The following CASD1 variants were observed in gnomAD, a reference collection of about 807,000 sequenced individuals.
The protein encoded by CASD1 is N-acetylneuraminate (7)9-O-acetyltransferase.
In CASD1, 41 loss-of-function variants were observed where a neutral mutation model predicts 100.0. The observed-to-expected ratio is 0.41, with a 90% CI of 0.32 to 0.53. CASD1 has a LOEUF of 0.53. CASD1 is among the 20% of genes least tolerant of loss of function. The probability of loss-of-function intolerance (pLI) is 0.25; values close to 1 mark genes in which losing one functional copy is unlikely to be tolerated. For missense variants in CASD1, 774 were observed against 948.7 expected, an observed-to-expected ratio of 0.82 and a Z score of 2.42; for synonymous variants, 321 against 315.6, an observed-to-expected ratio of 1.02 and a Z score of -0.18.
At chr7:94,552,113 A>T in intron 15 of CASD1, 1 of 438,740 alleles carries the variant, frequency 2.3e-6, no homozygotes, top group Non-Finnish European at 4.0e-6. Context: ...CCTTTTGATC[A>T]CTGTTTCCAG....
chr7:94,516,631 A>T (rs1405014154), intron 1 of CASD1, among the ~76,000 whole-genome samples: 1 of 150,370 alleles, frequency 6.7e-6, no homozygotes, highest in Non-Finnish European at 1.5e-5. Context: ...CCCCCCACAC[A>T]CCCCCAACCC....
At chr7:94,511,126 G>A (rs1793687245) in intron 1 of CASD1, among the ~76,000 whole-genome samples, 1 of 152,160 alleles carries the variant, frequency 6.6e-6, no homozygotes. Flanking sequence ...CACTGGGAGA[G>A]AGGCTGACAG....
At chr7:94,538,825 T>A (rs1379953440) in intron 9 of CASD1, 142 bp from the exon 10 acceptor site, 9 of 441,830 alleles carry the variant, frequency 2.0e-5, no homozygotes, top group South Asian at 5.9e-5. Flanking sequence ...TGACAGTTTT[T>A]AACTGTTTCT....
At chr7:94,527,788 G>A (rs1794650542) in intron 4 of CASD1, among the ~76,000 whole-genome samples, 1 of 152,138 alleles carries the variant, frequency 6.6e-6, no homozygotes, top group African/African-American at 2.4e-5. Flanking sequence ...AGAGCCGACT[G>A]AGGACCAAAA....
intron 5 of CASD1, among the ~76,000 whole-genome samples, chr7:94,528,813 C>T (rs1030570619): frequency 6.6e-6 from 1 of 152,128 alleles, no homozygotes. Flanking sequence ...GTAGTAGTTT[C>T]CATACAGTCT....
At chr7:94,552,204 C>T (rs1332457161) in intron 15 of CASD1, 146 bp from the exon 16 acceptor site, 1 of 619,600 alleles carries the variant, frequency 1.6e-6, no homozygotes, top group Non-Finnish European at 2.8e-6. Flanking sequence ...GATGAGCAAA[C>T]TTGCAAGCAG....
At chr7:94,624,174 A>C in the CASD1 span, 18 of 397,974 alleles carry the variant, frequency 4.5e-5, no homozygotes, top group African/African-American at 2.7e-4. Flanking sequence ...AAAAAAAAAA[A>C]AAAAACAAAT....
At chr7:94,591,211 A>T in the CASD1 span, among the ~76,000 whole-genome samples, 1 of 152,228 alleles carries the variant, frequency 6.6e-6, no homozygotes, top group African/African-American at 2.4e-5. Flanking sequence ...AAGAGGGAAT[A>T]AGTTCTACAT....
rs745758637 is a variant in CASD1 at position 94,545,698 on chromosome 7, A to G, written c.1630A>G (p.Asn544Asp). Residue 544 changes from asparagine (N) to aspartate (D), a missense_variant, in exon 12 of 18, where the codon AAC becomes GAC. Around this residue, in one of 5 missense-constraint regions of CASD1, gnomAD observed 453 missense variants for 532.6 expected, o/e 0.85. Transcript: ENST00000297273. ...GCCACAAATAATCCAAAAAAAAGCA[A>G]ACGGTAAATATACTTTCTTACTAAT... ...LWPQIIQKKANGNCFWHFGLL... is the reference protein window; with the variant it reads ...LWPQIIQKKADGNCFWHFGLL... 6 of 1,578,754 alleles carry G rather than the reference A, an allele frequency of 3.8e-6. No homozygotes were observed. Among genetic ancestry groups the G allele is most frequent in the Non-Finnish European group, 5.2e-6 (6 of 1,159,116 alleles).
intron 2 of CASD1, 90 bp downstream of exon 2, chr7:94,517,746 T>C: frequency 2.7e-6 from 2 of 744,688 alleles, no homozygotes; most frequent in East Asian, 2.6e-5. Flanking sequence ...TTTTCATCTC[T>C]ATGTTGGGGT....
chr7:94,514,775 TTGTG>T (rs374520322), intron 1 of CASD1, among the ~76,000 whole-genome samples: 1 of 151,656 alleles, frequency 6.6e-6, no homozygotes, highest in African/African-American at 2.4e-5. Flanking sequence ...CTTAGTTTCT[TTGTG>T]TGTGTGTGTG....
At chr7:94,574,346 T>A in the CASD1 span, among the ~76,000 whole-genome samples, 1 of 152,182 alleles carries the variant, frequency 6.6e-6, no homozygotes, top group Non-Finnish European at 1.5e-5. Flanking sequence ...TGGCTGTGAA[T>A]CCATCAGGTC....
At chr7:94,615,365 A>AATAG in the CASD1 span, among the ~76,000 whole-genome samples, 265 of 142,308 alleles carry the variant, frequency 1.9e-3, no homozygotes, top group Middle Eastern at 3.5e-3. Flanking sequence ...TCTCAAAATA[A>AATAG]ATAGATAGAT....
intron 1 of CASD1, among the ~76,000 whole-genome samples, chr7:94,516,950 C>A (rs187949964): frequency 1.3e-5 from 2 of 151,344 alleles, no homozygotes; most frequent in East Asian, 3.9e-4. Flanking sequence ...GTCACCCAGG[C>A]TGGAGTGCAG....
intron 11 of CASD1, among the ~76,000 whole-genome samples, 188 bp downstream of exon 11, chr7:94,544,718 G>A (rs1342907534): frequency 6.6e-6 from 1 of 152,048 alleles, no homozygotes; most frequent in Non-Finnish European, 1.5e-5. Flanking sequence ...GTGAAAGAAG[G>A]AAAATATAAT....
chr7:94,578,662 C>G, the CASD1 span, among the ~76,000 whole-genome samples: 609 of 152,258 alleles, frequency 4.0e-3, 1 homozygote, highest in African/African-American at 0.013. Flanking sequence ...TTAGCCAGAC[C>G]TGAGATCTGG....
chr7:94,515,731 C>T (rs1166260691), intron 1 of CASD1, among the ~76,000 whole-genome samples: 4 of 151,806 alleles, frequency 2.6e-5, no homozygotes, highest in Non-Finnish European at 5.9e-5. Context: ...CCCCCTCCCC[C>T]TAGAAAAGGG....
intron 12 of CASD1, 151 bp downstream of exon 12, chr7:94,545,852 G>A (rs1795651710): frequency 3.9e-6 from 2 of 510,308 alleles, no homozygotes; most frequent in Non-Finnish European, 3.4e-6. Context: ...GTTCTTAAAC[G>A]ATATTTCTAA....
the CASD1 span, among the ~76,000 whole-genome samples, chr7:94,574,738 A>G: frequency 6.6e-6 from 1 of 151,990 alleles, no homozygotes; most frequent in Non-Finnish European, 1.5e-5. Flanking sequence ...TGGAAGCCTG[A>G]GACGGACGGA....
Sources: allele counts gnomAD v4.1 joint callset (sites outside exome capture counted in the v4.1 genomes callset), GRCh38; gene constraint gnomAD v4.1.1; regional missense constraint gnomAD v4.1.1; transcripts MANE v1.5; gene names NCBI Gene and HGNC (gene_info 2026-07-23, HGNC 2026-07-21).